Variants in ALDH1L2 observed in about 807,000 individuals in gnomAD.
ALDH1L2 encodes the protein aldehyde dehydrogenase 1 family member L2, also known as mitochondrial 10-formyltetrahydrofolate dehydrogenase.
Under a neutral mutation model 111.0 loss-of-function variants are expected in ALDH1L2, and 91 were observed. The ratio of observed to expected loss-of-function variants is 0.82; its 90% confidence interval spans 0.69 to 0.98. ALDH1L2 has a LOEUF of 0.98. Ranked by LOEUF, ALDH1L2 falls within the 50% of genes least tolerant of loss-of-function variation. ALDH1L2 has a pLI of 0.00. For synonymous variants in ALDH1L2, 374 were observed against 392.6 expected (o/e 0.95, Z 0.56); for missense variants, 995 against 1,126.8 (o/e 0.88, Z 1.67).
chr12:105,050,192 G>T, intron 12 of ALDH1L2, 134 bp from the exon 13 acceptor site: 1 of 748,628 alleles, frequency 1.3e-6, no homozygotes. Flanking sequence ...TAGAGATCAT[G>T]GTCCAGTAGG....
At chr12:105,071,639 TATA>T (rs1237356772) in intron 2 of ALDH1L2, among the ~76,000 whole-genome samples, 441 of 19,300 alleles carry the variant, frequency 0.023, 9 homozygotes, top group African/African-American at 0.069. Context: ...TATATATATA[TATA>T]TTTTTTTTTT....
chr12:105,051,407 T>G (rs929485889), intron 12 of ALDH1L2, among the ~76,000 whole-genome samples: 2 of 152,162 alleles, frequency 1.3e-5, no homozygotes, highest in South Asian at 2.1e-4. Context: ...GTCCCTCCAC[T>G]GCAGTGTGGT....
intron 12 of ALDH1L2, 57 bp from the exon 13 acceptor site, chr12:105,050,115 T>C: frequency 6.9e-7 from 1 of 1,450,212 alleles, no homozygotes. Flanking sequence ...TCCTGTCACA[T>C]ATAATGCAGT....
At chr12:105,051,563 C>T (rs146985989) in intron 12 of ALDH1L2, among the ~76,000 whole-genome samples, 8 of 152,272 alleles carry the variant, frequency 5.3e-5, no homozygotes, top group African/African-American at 9.6e-5. Flanking sequence ...ACCTCGGCCA[C>T]GTCTTTGTGA....
intron 19 of ALDH1L2, among the ~76,000 whole-genome samples, chr12:105,033,383 A>G (rs185089688): frequency 1.0e-3 from 154 of 152,314 alleles, no homozygotes; most frequent in African/African-American, 3.5e-3. Context: ...AGCACTGCAG[A>G]CTGTCTTTCA....
At chr12:105,040,397 AC>A (rs547135827) in intron 16 of ALDH1L2, among the ~76,000 whole-genome samples, 5 of 151,598 alleles carry the variant, frequency 3.3e-5, no homozygotes, top group Admixed American at 2.6e-4. Flanking sequence ...TGACTGTACA[AC>A]CCCCCTCCCC....
intron 19 of ALDH1L2, among the ~76,000 whole-genome samples, chr12:105,033,576 C>A (rs1874820399): frequency 6.6e-6 from 1 of 152,082 alleles, no homozygotes; most frequent in African/African-American, 2.4e-5. Context: ...TAGCTGGATG[C>A]TGGTTTTGCA....
chr12:105,069,574 C>T (rs2136103482), intron 3 of ALDH1L2, among the ~76,000 whole-genome samples: 1 of 152,250 alleles, frequency 6.6e-6, no homozygotes, highest in South Asian at 2.1e-4. Flanking sequence ...AAGTACAAGT[C>T]TAAGTGCAAA....
At chr12:105,033,949 A>G (rs1440219140) in intron 19 of ALDH1L2, among the ~76,000 whole-genome samples, 1 of 152,214 alleles carries the variant, frequency 6.6e-6, no homozygotes, top group African/African-American at 2.4e-5. Flanking sequence ...ATAAACCTCT[A>G]ACTTTTTTAC....
chr12:105,063,014 AG>A lies in ALDH1L2; in HGVS notation c.794del (p.Thr265IlefsTer8). On this transcript the variant is annotated frameshift_variant, in exon 7 of 23. Coordinates refer to ENST00000258494, the MANE Select transcript of ALDH1L2 (RefSeq NM_001034173.4). LOFTEE classifies it high-confidence loss of function. The stretch of plus-strand genomic sequence containing the variant: ...TATTCAGTAATGTCGAGCCATAGAA[AG>A]TGACCATCTAGTAAAGAGATCAAAC... ...AWTEINGQMV[T>X]FYGSTLLNSS... The A allele has an allele frequency of 6.2e-7, 1 of 1,612,684 alleles. No individual in the cohort carries two copies. Among genetic ancestry groups the A allele is most frequent in the Non-Finnish European group, 8.5e-7 (1 of 1,179,630 alleles).
At chr12:105,058,032 A>C (rs373748393) in intron 10 of ALDH1L2, 41 bp downstream of exon 10, 1 of 1,592,568 alleles carries the variant, frequency 6.3e-7, no homozygotes, top group Non-Finnish European at 8.5e-7. Context: ...TAGTGTATGG[A>C]TCTCACTGAT....
At chr12:105,066,954 C>A (rs1262932855) in intron 4 of ALDH1L2, among the ~76,000 whole-genome samples, 1 of 152,086 alleles carries the variant, frequency 6.6e-6, no homozygotes, top group African/African-American at 2.4e-5. Flanking sequence ...CAAGGCCGGG[C>A]GCAGTGGCTC....
At position 105,068,879 on chromosome 12, in the gene ALDH1L2, A is replaced by C; in HGVS notation, c.434T>G (p.Leu145Arg). The C allele has an allele frequency of 6.4e-7, 1 of 1,560,224 alleles. No individual in the cohort carries two copies. The highest frequency in any genetic ancestry group is 8.6e-7 in the Non-Finnish European group (1 of 1,158,482). The change falls in exon 4 of 23, where the codon CTA becomes CGA. Residue 145 changes from leucine to arginine, a missense_variant. Leu to Arg is a moderately radical substitution (Grantham distance 102). Transcript: ENST00000258494. ...CCCAGCTTTCTTATCTCCCATAATT[A>C]GAGTCCTGTGAAAAGAAGAATTTCA... is the stretch of plus-strand genomic sequence containing the variant. The part of the protein sequence containing the change: ...HRGASAINWT[L>R]IMGDKKAGFS...
At position 105,024,211 on chromosome 12, in the gene ALDH1L2, A is replaced by C. The variant is rs1874298539; in HGVS notation, c.*213T>G. The stretch of plus-strand genomic sequence containing the variant: ...AATACGTATGATATACAACATAGTC[A>C]AAATGCAACAACTCCAAATCACTGG... On this transcript the variant is annotated 3_prime_UTR_variant, in exon 23 of 23. Transcript: ENST00000258494. 1 of 603,172 alleles carries C rather than the reference A, an allele frequency of 1.7e-6. No homozygotes were observed. Among genetic ancestry groups the C allele is most frequent in the Non-Finnish European group, 3.0e-6 (1 of 338,752 alleles). 37.4% of individuals were successfully genotyped at this position (603,172 alleles called of 1,614,324 possible).
intron 1 of ALDH1L2, 150 bp downstream of exon 1, chr12:105,084,239 T>G: frequency 4.2e-6 from 4 of 954,132 alleles, no homozygotes; most frequent in South Asian, 2.2e-5. Flanking sequence ...TTTTTGTTTG[T>G]TTGTTTGTTT....
Position 105,026,408 on chromosome 12 carries a change from GA to G in ALDH1L2, c.2716+136del. 3.4e-6 allele frequency: 3 copies of G among 877,352 alleles called. No homozygotes were observed. In the South Asian group the frequency reaches 5.1e-5, roughly 15 times the overall value. 54.3% of individuals were successfully genotyped at this position (877,352 alleles called of 1,614,324 possible). A position where few individuals can be genotyped will look rare whatever the true frequency, so the allele number is the denominator to read the frequency against. On this transcript the variant is annotated intron_variant, in intron 22 of 22. Coordinates refer to ENST00000258494, the MANE Select transcript of ALDH1L2 (RefSeq NM_001034173.4). ...AGAAATGTTTAATATTTTAAAAAACGAATGCCCTTCTAAACCCAGATATAAC... is the reference window on the plus strand; with the variant it reads ...AGAAATGTTTAATATTTTAAAAAACGATGCCCTTCTAAACCCAGATATAAC...
intron 1 of ALDH1L2, among the ~76,000 whole-genome samples, chr12:105,074,584 A>T (rs1298518233): frequency 6.6e-6 from 1 of 151,910 alleles, no homozygotes; most frequent in Non-Finnish European, 1.5e-5. Flanking sequence ...TCTACTTTAC[A>T]TTCTTCCATG....
chr12:105,070,661 G>T lies in ALDH1L2; in HGVS notation c.337C>A (p.Pro113Thr). The change falls in exon 3 of 23, where the codon CCC (proline) becomes ACC (threonine). Residue 113 changes from proline to threonine, a missense_variant. Pro to Thr is a conservative substitution (Grantham distance 38). Transcript: ENST00000258494. Reference protein sequence around the residue: ...NVLPFCTQFIPMDIIDSPKHG... With the variant: ...NVLPFCTQFITMDIIDSPKHG... ...TTTGGACTATCAATTATATCCATGG[G>T]AATGAACTGAGTGCAGAAAGGGAGC... 1 of 1,614,146 alleles carries T rather than the reference G, an allele frequency of 6.2e-7. No homozygotes were observed. Among genetic ancestry groups the T allele is most frequent in the Non-Finnish European group, 8.5e-7 (1 of 1,180,000 alleles).
intron 21 of ALDH1L2, among the ~76,000 whole-genome samples, chr12:105,028,917 A>G (rs915639453): frequency 1.3e-5 from 2 of 152,204 alleles, no homozygotes; most frequent in Non-Finnish European, 2.9e-5. Flanking sequence ...CTATGTTTTT[A>G]GGAAGACATA....
Sources: allele counts gnomAD v4.1 joint callset (sites outside exome capture counted in the v4.1 genomes callset), GRCh38; gene constraint gnomAD v4.1.1; transcripts MANE v1.5; gene names NCBI Gene and HGNC (gene_info 2026-07-23, HGNC 2026-07-21).